Variants in RBFOX1 observed in about 807,000 individuals in gnomAD.
The protein encoded by RBFOX1 is RNA binding protein fox-1 homolog 1.
Under a neutral mutation model 57.7 loss-of-function variants are expected in RBFOX1, and 8 were observed. That is an observed-to-expected ratio of 0.14 (90% confidence interval 0.08 to 0.25). The LOEUF is 0.25. Among genes scored for constraint, RBFOX1 ranks in the 10% least tolerant of loss-of-function variants. RBFOX1 has a pLI of 1.00. For missense variants in RBFOX1, 611 were observed against 548.5 expected (o/e 1.11, Z -1.14); for synonymous variants, 326 against 222.4 (o/e 1.47, Z -4.15).
chr16:7,297,029 C>G (rs965007554), intron 4 of RBFOX1, among the ~76,000 whole-genome samples: 1 of 152,114 alleles, frequency 6.6e-6, no homozygotes, highest in Non-Finnish European at 1.5e-5. Flanking sequence ...ATCCCGTTTT[C>G]CAAGCTTGCA....
intron 1 of RBFOX1, among the ~76,000 whole-genome samples, chr16:5,247,319 T>C (rs2062327228): frequency 6.6e-6 from 1 of 152,230 alleles, no homozygotes; most frequent in Admixed American, 6.5e-5. Flanking sequence ...CGATGCTTTC[T>C]GTCCTGTTAT....
rs148420029 is a variant in RBFOX1 at position 6,801,324 on chromosome 16, C to T, written c.-16+146674C>T. Among the ~76,000 whole-genome samples the T allele has an allele frequency of 7.5e-3, 1,147 of 152,024 alleles. 6 individuals carry two copies. Among genetic ancestry groups the T allele is most frequent in the Middle Eastern group, 0.014 (4 of 294 alleles). ...AATGGGATCTACAGTTGAGAGAGAA[C>T]CATACAAGGCTCTTGGTAATGGTCA... On this transcript the variant is annotated intron_variant, in intron 3 of 15. Transcript: ENST00000550418.
At chr16:7,005,467 C>T (rs754389743) in intron 3 of RBFOX1, among the ~76,000 whole-genome samples, 6 of 152,128 alleles carry the variant, frequency 3.9e-5, no homozygotes, top group Admixed American at 3.3e-4. Context: ...AGATAATTGA[C>T]AGGAATGGGG....
chr16:7,482,036 G>A (rs1434874974), intron 4 of RBFOX1, among the ~76,000 whole-genome samples: 3 of 152,164 alleles, frequency 2.0e-5, no homozygotes, highest in African/African-American at 7.2e-5. Context: ...TTGAGTCGGG[G>A]CGATCTGTAT....
chr16:7,190,635 A>G (rs1047731861), intron 4 of RBFOX1, among the ~76,000 whole-genome samples: 6 of 152,208 alleles, frequency 3.9e-5, no homozygotes, highest in Non-Finnish European at 7.4e-5. Flanking sequence ...TGGTATTGCT[A>G]CTCAGAAACC....
intron 2 of RBFOX1, among the ~76,000 whole-genome samples, chr16:6,460,405 G>GA (rs1241193302): frequency 2.0e-5 from 3 of 149,874 alleles, no homozygotes; most frequent in East Asian, 2.0e-4. Context: ...AAATTTACAA[G>GA]AAAAAAAACA....
chr16:6,855,106 A>T (rs187956990), intron 3 of RBFOX1, among the ~76,000 whole-genome samples: 2 of 152,190 alleles, frequency 1.3e-5, no homozygotes, highest in Admixed American at 6.5e-5. Context: ...GATGCTATGT[A>T]GGGAGTTGAC....
chr16:6,485,842 T>G (rs2095468812), intron 2 of RBFOX1, among the ~76,000 whole-genome samples: 1 of 152,300 alleles, frequency 6.6e-6, no homozygotes, highest in African/African-American at 2.4e-5. Context: ...TCCTATCACT[T>G]GTCTTAATTT....
chr16:6,094,971 A>C (rs1017289815), intron 1 of RBFOX1, among the ~76,000 whole-genome samples: 7 of 152,134 alleles, frequency 4.6e-5, no homozygotes, highest in Admixed American at 4.6e-4. Flanking sequence ...GAGGCAGGAG[A>C]ATCGCTGGAA....
At chr16:7,405,806 CCT>C (rs1324236398) in intron 4 of RBFOX1, among the ~76,000 whole-genome samples, 5 of 152,106 alleles carry the variant, frequency 3.3e-5, no homozygotes, top group Admixed American at 2.6e-4. Flanking sequence ...CCTTCTAACA[CCT>C]GTTTCCTTTC....
chr16:5,615,065 C>T (rs2047971186), intron 3 of RBFOX1, among the ~76,000 whole-genome samples: 1 of 152,260 alleles, frequency 6.6e-6, no homozygotes, highest in South Asian at 2.1e-4. Context: ...GATGGGGTTT[C>T]ACTCTGTTAC....
intron 2 of RBFOX1, among the ~76,000 whole-genome samples, chr16:6,589,166 C>A (rs1283460197): frequency 2.6e-5 from 4 of 152,146 alleles, no homozygotes; most frequent in Non-Finnish European, 5.9e-5. Context: ...AGCTAGAATA[C>A]CACTGCCAGA....
At chr16:7,378,850 A>G (rs2097733655) in intron 4 of RBFOX1, among the ~76,000 whole-genome samples, 1 of 152,086 alleles carries the variant, frequency 6.6e-6, no homozygotes, top group East Asian at 1.9e-4. Context: ...GGACCTTCCA[A>G]AGAGGTGGGG....
At chr16:7,334,780 C>A (rs748472228) in intron 4 of RBFOX1, among the ~76,000 whole-genome samples, 1 of 152,194 alleles carries the variant, frequency 6.6e-6, no homozygotes, top group Non-Finnish European at 1.5e-5. Context: ...TGGGGAGGCC[C>A]TATTTCTTCC....
At chr16:7,250,678 C>T (rs1040229009) in intron 4 of RBFOX1, among the ~76,000 whole-genome samples, 1 of 152,170 alleles carries the variant, frequency 6.6e-6, no homozygotes, top group Non-Finnish European at 1.5e-5. Context: ...TGAAGGACGT[C>T]ATACTGAATT....
intron 3 of RBFOX1, among the ~76,000 whole-genome samples, chr16:6,743,420 A>G (rs1041190623): frequency 1.3e-5 from 2 of 152,198 alleles, no homozygotes; most frequent in African/African-American, 2.4e-5. Context: ...GCTGTGTTAT[A>G]AGAAGCACAT....
At chr16:6,951,457 G>A (rs925617261) in intron 3 of RBFOX1, among the ~76,000 whole-genome samples, 12 of 152,108 alleles carry the variant, frequency 7.9e-5, no homozygotes, top group Non-Finnish European at 1.8e-4. Context: ...TTAATCAGGA[G>A]CTTTTATATA....
rs146237788 is a variant in RBFOX1 at position 7,310,042 on chromosome 16, A to C, written c.28-208105A>C. Reference sequence around the variant, plus strand: ...GCGTTGGCCCGTGGCTGTTGGCATGATGCAGCTTGCCTCACCCAGCCCTAT... The same window carrying C: ...GCGTTGGCCCGTGGCTGTTGGCATGCTGCAGCTTGCCTCACCCAGCCCTAT... On this transcript the variant is annotated intron_variant, in intron 4 of 15. Transcript: ENST00000550418. Among the ~76,000 whole-genome samples the C allele has an allele frequency of 3.2e-3, 484 of 152,332 alleles. 3 individuals are homozygous for C. Among genetic ancestry groups the C allele is most frequent in the Non-Finnish European group, 5.3e-3 (358 of 68,032 alleles).
At chr16:6,214,136 C>G (rs1279140355) in intron 1 of RBFOX1, among the ~76,000 whole-genome samples, 1 of 152,154 alleles carries the variant, frequency 6.6e-6, no homozygotes, top group African/African-American at 2.4e-5. Context: ...ATGAGACAAA[C>G]CCGTTGTCAT....
Sources: allele counts gnomAD v4.1 joint callset (sites outside exome capture counted in the v4.1 genomes callset), GRCh38; gene constraint gnomAD v4.1.1; transcripts MANE v1.5; gene names NCBI Gene and HGNC (gene_info 2026-07-23, HGNC 2026-07-21).